Variants in LRP1B observed in about 807,000 individuals in gnomAD.
The protein encoded by LRP1B is LDL receptor related protein 1B, also known as low-density lipoprotein receptor-related protein 1B.
LRP1B carries 217 observed loss-of-function variants against 556.6 expected under a neutral mutation model. The ratio of observed to expected loss-of-function variants is 0.39; its 90% CI spans 0.35 to 0.44. LRP1B has a LOEUF of 0.44. Ranked by LOEUF, LRP1B falls within the 20% of genes least tolerant of loss-of-function variation. LRP1B has a pLI of 1.00. For missense variants in LRP1B, 5,053 were observed against 5,620.8 expected, an observed-to-expected ratio of 0.90 and a Z score of 3.23; for synonymous variants, 2,047 against 1,865.8, an observed-to-expected ratio of 1.10 and a Z score of -2.50.
intron 2 of LRP1B, among the ~76,000 whole-genome samples, chr2:141,582,092 C>A (rs929827184): frequency 2.0e-5 from 3 of 152,156 alleles, no homozygotes; most frequent in African/African-American, 7.2e-5. Context: ...AATATGTTCA[C>A]TGGCTTGAAA....
chr2:141,896,740 T>C (rs768173963), intron 1 of LRP1B, among the ~76,000 whole-genome samples: 4 of 152,308 alleles, frequency 2.6e-5, no homozygotes, highest in African/African-American at 4.8e-5. Flanking sequence ...AAAATTATCA[T>C]AGTGAATTTT....
chr2:141,873,440 TG>T (rs1698654355), intron 1 of LRP1B, among the ~76,000 whole-genome samples: 2 of 151,996 alleles, frequency 1.3e-5, no homozygotes, highest in South Asian at 4.1e-4. Flanking sequence ...ATTGCTTTGT[TG>T]GGAATCAGAG....
chr2:142,015,947 G>A (rs1300000648), intron 1 of LRP1B, among the ~76,000 whole-genome samples: 1 of 124,930 alleles, frequency 8.0e-6, no homozygotes, highest in Non-Finnish European at 1.6e-5. Flanking sequence ...AGCCGAGATC[G>A]TGCCACTGCA....
chr2:141,564,977 A>T, intron 2 of LRP1B, among the ~76,000 whole-genome samples: 1 of 152,238 alleles, frequency 6.6e-6, no homozygotes, highest in South Asian at 2.1e-4. Flanking sequence ...GACATTTTAA[A>T]TGAAGAATTT....
chr2:140,285,328 TACACATAC>T (rs1047970363), intron 84 of LRP1B, among the ~76,000 whole-genome samples: 1 of 38,306 alleles, frequency 2.6e-5, no homozygotes, highest in Non-Finnish European at 1.5e-4. Flanking sequence ...CACACACATA[TACACATAC>T]ATATGTATAT....
intron 2 of LRP1B, among the ~76,000 whole-genome samples, chr2:141,493,141 C>A (rs1228472881): frequency 6.6e-6 from 1 of 152,056 alleles, no homozygotes; most frequent in African/African-American, 2.4e-5. Flanking sequence ...TGGAAGATTG[C>A]AGAGGTTGAA....
intron 43 of LRP1B, among the ~76,000 whole-genome samples, chr2:140,566,796 T>C (rs1254686607): frequency 2.0e-5 from 3 of 152,160 alleles, no homozygotes; most frequent in Non-Finnish European, 4.4e-5. Flanking sequence ...TACTGTACCC[T>C]GGTCAGCCAG....
At chr2:141,059,740 G>A (rs1699286531) in intron 8 of LRP1B, among the ~76,000 whole-genome samples, 1 of 151,782 alleles carries the variant, frequency 6.6e-6, no homozygotes, top group Admixed American at 6.6e-5. Flanking sequence ...TAACAGTCCA[G>A]CTCTTCTCTT....
At position 140,538,662 on chromosome 2, in the gene LRP1B, C is replaced by A. The variant is rs79323813; in HGVS notation, c.7514-1953G>T. Reference sequence around the variant, plus strand: ...AGGTAGCAAATAATTTAAAACAGAACAATATTAAATTAAAAAAAATAAAAG... The same window carrying A: ...AGGTAGCAAATAATTTAAAACAGAAAAATATTAAATTAAAAAAAATAAAAG... On this transcript the variant is annotated intron_variant, in intron 45 of 90. Coordinates refer to ENST00000389484, the MANE Select transcript of LRP1B (RefSeq NM_018557.3). Among the ~76,000 whole-genome samples, 1,026 of 151,830 alleles carry A rather than the reference C, an allele frequency of 6.8e-3. 8 individuals carry two copies. Among genetic ancestry groups the A allele is most frequent in the East Asian group, 0.034 (177 of 5,150 alleles).
At chr2:140,836,240 C>G (rs1240601864) in intron 31 of LRP1B, among the ~76,000 whole-genome samples, 1 of 151,802 alleles carries the variant, frequency 6.6e-6, no homozygotes, top group African/African-American at 2.4e-5. Context: ...TAAAAATAAC[C>G]ACAAAAGTTA....
At chr2:141,466,888 T>C (rs1682224092) in intron 3 of LRP1B, among the ~76,000 whole-genome samples, 3 of 150,922 alleles carry the variant, frequency 2.0e-5, no homozygotes. Context: ...AAGATCTCAG[T>C]TATTCCCAGC....
chr2:141,254,550 T>C lies in LRP1B; in HGVS notation c.435A>G (p.Glu145=). 6.2e-7 allele frequency: 1 copy of C among 1,612,170 alleles called. No homozygotes were observed. The change falls in exon 4 of 91, where the codon GAA becomes GAG. Residue 145 remains glutamate (E), a synonymous_variant. Transcript: ENST00000389484. ...TACAGCTTCTCCCATCTTCTGTTAT[T>C]TCGAATCCATCCTCACAGTAACATC... The part of the protein sequence containing the change: ...STRCYCEDGF[E]ITEDGRSCKD...
chr2:141,738,584 T>C (rs1437469923), intron 2 of LRP1B, among the ~76,000 whole-genome samples: 2 of 152,190 alleles, frequency 1.3e-5, no homozygotes, highest in Admixed American at 6.5e-5. Flanking sequence ...TTGTTTAGAA[T>C]TGACACAAAT....
chr2:140,654,025 C>CAAAAAAA (rs61199077), intron 41 of LRP1B, among the ~76,000 whole-genome samples: 5 of 35,398 alleles, frequency 1.4e-4, no homozygotes, highest in African/African-American at 3.7e-4. Flanking sequence ...GACTCCATCT[C>CAAAAAAA]AAAAAAAAAA....
intron 3 of LRP1B, among the ~76,000 whole-genome samples, chr2:141,354,015 T>C (rs1688535370): frequency 2.0e-5 from 3 of 151,958 alleles, no homozygotes; most frequent in African/African-American, 7.3e-5. Flanking sequence ...GTATTGGTAA[T>C]TGAAGGCATT....
At chr2:141,837,809 T>C (rs115106796) in intron 1 of LRP1B, among the ~76,000 whole-genome samples, 2 of 152,146 alleles carry the variant, frequency 1.3e-5, no homozygotes, top group Admixed American at 6.6e-5. Context: ...GTATAGACTA[T>C]TAAACTTCAC....
intron 25 of LRP1B, among the ~76,000 whole-genome samples, chr2:140,872,120 C>T (rs1408750076): frequency 7.3e-5 from 8 of 109,974 alleles, no homozygotes; most frequent in Non-Finnish European, 1.1e-4. Flanking sequence ...TTTTTATTCT[C>T]AGTTTACTGA....
At chr2:142,115,499 AATATATATTATATATTACATATATAAT>A (rs1559079384) in intron 1 of LRP1B, among the ~76,000 whole-genome samples, 2 of 84,980 alleles carry the variant, frequency 2.4e-5, no homozygotes, top group South Asian at 2.9e-4. Flanking sequence ...AATTATATAT[AATATATATTATATATTACATATATAAT>A]ATATATATTA....
intron 23 of LRP1B, among the ~76,000 whole-genome samples, chr2:140,888,595 G>A (rs1334687020): frequency 6.6e-6 from 1 of 151,718 alleles, no homozygotes; most frequent in Non-Finnish European, 1.5e-5. Flanking sequence ...AGTAAGATAT[G>A]CATTTTAATA....
Sources: allele counts gnomAD v4.1 joint callset (sites outside exome capture counted in the v4.1 genomes callset), GRCh38; gene constraint gnomAD v4.1.1; transcripts MANE v1.5; gene names NCBI Gene and HGNC (gene_info 2026-07-23, HGNC 2026-07-21).